The following SCN3A variants were observed in gnomAD, a reference collection of about 807,000 sequenced individuals.
SCN3A encodes the protein sodium channel protein type 3 subunit alpha.
A neutral mutation model predicts 187.6 loss-of-function variants in SCN3A; 60 were observed. The ratio of observed to expected loss-of-function variants is 0.32; its 90% CI spans 0.26 to 0.40. The LOEUF (loss-of-function observed/expected upper bound fraction) is 0.40. SCN3A is among the 10% of genes least tolerant of loss of function. The pLI is 1.00. For missense variants in SCN3A, 1,601 were observed against 2,428.2 expected (o/e 0.66, Z 7.16); for synonymous variants, 788 against 829.2 (o/e 0.95, Z 0.85).
chr2:165,159,099 A>T (rs953209265), intron 9 of SCN3A, among the ~76,000 whole-genome samples: 2 of 138,092 alleles, frequency 1.4e-5, no homozygotes, highest in Admixed American at 1.5e-4. Flanking sequence ...CATCCTCATC[A>T]GAAGTTGGTA....
In SCN3A at chr2:165,137,871, G is replaced by C. The variant is rs1687760943; in HGVS notation, c.2391+8C>G. 5 of 1,578,404 alleles carry C rather than the reference G, an allele frequency of 3.2e-6. No homozygotes were observed. In the Admixed American group the frequency reaches 5.0e-5, roughly 16 times the overall value. On this transcript the variant is annotated splice_region_variant and intron_variant, in intron 15 of 27. Coordinates refer to ENST00000283254, the MANE Select transcript of SCN3A (RefSeq NM_006922.4). ...CAAAGTAAATAAGTAAACTTCAAAT[G>C]TACTTACCAGGTTTCCTACAGTCAA... is the stretch of plus-strand genomic sequence containing the variant.
intron 21 of SCN3A, 48 bp from the exon 22 acceptor site, chr2:165,100,472 T>C (rs753357572): frequency 6.3e-7 from 1 of 1,583,678 alleles, no homozygotes; most frequent in Admixed American, 1.7e-5. Flanking sequence ...AATAAACTGT[T>C]GACTGAAGGT....
intron 9 of SCN3A, among the ~76,000 whole-genome samples, chr2:165,161,137 C>CTTTTTTTTTT (rs61608647): frequency 0.019 from 1,790 of 93,328 alleles, 5 homozygotes; most frequent in Non-Finnish European, 0.028. Flanking sequence ...TTCTTTCTTT[C>CTTTTTTTTTT]TTTTTTTTTT....
At chr2:165,168,260 G>A (rs544078679) in intron 5 of SCN3A, among the ~76,000 whole-genome samples, 56 of 152,094 alleles carry the variant, frequency 3.7e-4, no homozygotes, top group African/African-American at 1.3e-3. Context: ...CACATGTTGT[G>A]TATAAAAAAC....
At chr2:165,179,391 C>T (rs574613664) in intron 2 of SCN3A, among the ~76,000 whole-genome samples, 1 of 152,050 alleles carries the variant, frequency 6.6e-6, no homozygotes, top group African/African-American at 2.4e-5. Flanking sequence ...ATTGGATTCT[C>T]CTGGTTGGTT....
intron 2 of SCN3A, among the ~76,000 whole-genome samples, chr2:165,181,794 G>T (rs943338840): frequency 6.6e-6 from 1 of 152,128 alleles, no homozygotes. Context: ...AATCACACAA[G>T]TGCTTTTCCT....
intron 21 of SCN3A, among the ~76,000 whole-genome samples, chr2:165,110,092 C>G (rs897885379): frequency 2.6e-5 from 4 of 152,146 alleles, no homozygotes; most frequent in Non-Finnish European, 5.9e-5. Flanking sequence ...CCTCCGCTTC[C>G]CCAAACACGC....
chr2:165,189,817 A>G (rs1691478417), intron 1 of SCN3A, among the ~76,000 whole-genome samples: 1 of 151,594 alleles, frequency 6.6e-6, no homozygotes, highest in Non-Finnish European at 1.5e-5. Context: ...TTGCATCTTT[A>G]CTCTTTATCT....
At chr2:165,149,672 ATC>A (rs1473578393) in intron 11 of SCN3A, among the ~76,000 whole-genome samples, 1 of 152,164 alleles carries the variant, frequency 6.6e-6, no homozygotes, top group Non-Finnish European at 1.5e-5. Context: ...GTTTCCTGTC[ATC>A]TCTCATGTCT....
chr2:165,099,418 A>T (rs1384600211), intron 22 of SCN3A, among the ~76,000 whole-genome samples: 1 of 152,144 alleles, frequency 6.6e-6, no homozygotes, highest in Non-Finnish European at 1.5e-5. Context: ...AGAAAAAAAG[A>T]TCTATAAAAC....
In SCN3A at chr2:165,156,379, G is replaced by A. The variant is rs531066075; in HGVS notation, c.1032-476C>T. Among the ~76,000 whole-genome samples the A allele has an allele frequency of 1.6e-3, 247 of 151,324 alleles. 2 individuals carry two copies. Among genetic ancestry groups the A allele is most frequent in the Admixed American group, 4.6e-3 (70 of 15,224 alleles). ...AAAAAAACAATTAGCTGGGCGTTGT[G>A]GTGGGTGCCTGTAGTCCCAGCTACT... On this transcript the variant is annotated intron_variant, in intron 9 of 27. Transcript: ENST00000283254.
At chr2:165,200,171 A>G (rs774044741) in intron 1 of SCN3A, among the ~76,000 whole-genome samples, 6 of 152,118 alleles carry the variant, frequency 3.9e-5, no homozygotes, top group Admixed American at 6.6e-5. Context: ...AAAATTTAAA[A>G]CGAACCTAAA....
At chr2:165,186,001 A>G (rs60068636) in intron 2 of SCN3A, among the ~76,000 whole-genome samples, 36,717 of 152,012 alleles carry the variant, frequency 0.24, 5,459 homozygotes, top group East Asian at 0.52. Flanking sequence ...GCTGGGCGCG[A>G]TGGCTCACAC....
In SCN3A at chr2:165,130,014, C is replaced by G. The variant is rs1416057018; in HGVS notation, c.2848G>C (p.Asp950His). 4 of 1,614,036 alleles carry G rather than the reference C, an allele frequency of 2.5e-6. No individual in the cohort carries two copies. The highest frequency in any genetic ancestry group is 1.3e-5 in the African/African-American group (1 of 74,900). ...LCGEWIETMW[D>H]CMEVAGQTMC... ...GTTTGGCCAGCGACCTCCATACAGT[C>G]CCACATGGTCTCTATCCACTCTCCA... The change falls in exon 17 of 28, where the codon GAC becomes CAC. Residue 950 changes from aspartate to histidine, a missense_variant. Physicochemically the swap from Asp to His is moderately conservative, Grantham distance 81 (BLOSUM62 -1). Transcript: ENST00000283254.
Position 165,161,840 on chromosome 2 carries a change from G to T in SCN3A, c.1031+468C>A, listed in dbSNP as rs186054861. Among the ~76,000 whole-genome samples the T allele has an allele frequency of 2.1e-3, 317 of 152,272 alleles. 2 individuals are homozygous for T. The Middle Eastern group carries it at 0.034, about 16-fold the overall frequency. On this transcript the variant is annotated intron_variant, in intron 9 of 27. Coordinates refer to ENST00000283254, the MANE Select transcript of SCN3A (RefSeq NM_006922.4). The stretch of plus-strand genomic sequence containing the variant: ...GGCTTCTTTGTATACAGAAATACAT[G>T]CTCCTTCAAGAATACTTAAATATTT...
intron 5 of SCN3A, among the ~76,000 whole-genome samples, chr2:165,168,465 T>A (rs1689910377): frequency 6.6e-6 from 1 of 152,038 alleles, no homozygotes; most frequent in South Asian, 2.1e-4. Flanking sequence ...GATTGAGACC[T>A]AATTTTAGGC....
At chr2:165,113,123 G>T in intron 20 of SCN3A, 65 bp from the exon 21 acceptor site, 2 of 1,272,022 alleles carry the variant, frequency 1.6e-6, no homozygotes, top group Non-Finnish European at 2.3e-6. Context: ...TGAAAAAATT[G>T]CTTAGTATAA....
chr2:165,172,060 A>T (rs1690139648), intron 3 of SCN3A, among the ~76,000 whole-genome samples: 1 of 152,174 alleles, frequency 6.6e-6, no homozygotes, highest in African/African-American at 2.4e-5. Flanking sequence ...TTGAGTAGGT[A>T]GACAAAAATA....
At chr2:165,126,978 AAGG>A (rs1229924398) in intron 18 of SCN3A, among the ~76,000 whole-genome samples, 1 of 152,244 alleles carries the variant, frequency 6.6e-6, no homozygotes, top group Non-Finnish European at 1.5e-5. Flanking sequence ...TATAGAGAGT[AAGG>A]AGATGACGAA....
Sources: gnomAD v4.1 joint callset for allele counts (sites outside exome capture counted in the v4.1 genomes callset) on GRCh38, gnomAD v4.1.1 for gene constraint, MANE v1.5 for transcripts, NCBI Gene and HGNC (gene_info 2026-07-23, HGNC 2026-07-21) for gene names.